Variants in FHOD3 observed in about 807,000 individuals in gnomAD.
The protein encoded by FHOD3 is formin homology 2 domain containing 3.
In FHOD3, 90 loss-of-function variants were observed where a neutral mutation model predicts 173.0. The observed-to-expected ratio is 0.52, with a 90% CI of 0.44 to 0.62. The LOEUF is 0.62. Ranked by LOEUF, FHOD3 falls within the 20% of genes least tolerant of loss-of-function variation. The pLI is 0.00. For synonymous variants in FHOD3, 828 were observed against 823.0 expected (o/e 1.01, Z -0.10); for missense variants, 1,945 against 2,034.7 (o/e 0.96, Z 0.85).
chr18:36,477,440 A>C (rs1163568116), intron 3 of FHOD3, among the ~76,000 whole-genome samples: 3 of 152,106 alleles, frequency 2.0e-5, no homozygotes, highest in African/African-American at 7.2e-5. Context: ...TTCCTGTGAC[A>C]GGGAAATAGC....
chr18:36,744,501 C>T (rs939211907), intron 23 of FHOD3, among the ~76,000 whole-genome samples: 15 of 152,246 alleles, frequency 9.9e-5, no homozygotes, highest in East Asian at 1.9e-4. Context: ...TTCTCCAGAA[C>T]GCTGAAACAG....
chr18:36,508,281 T>TA (rs374243067), intron 4 of FHOD3, among the ~76,000 whole-genome samples: 372 of 150,838 alleles, frequency 2.5e-3, no homozygotes, highest in South Asian at 7.6e-3. Flanking sequence ...TTTTTTTTTT[T>TA]AAAAAAAGCT....
intron 20 of FHOD3, among the ~76,000 whole-genome samples, chr18:36,740,005 G>A (rs1221940413): frequency 6.6e-6 from 1 of 152,146 alleles, no homozygotes; most frequent in Non-Finnish European, 1.5e-5. Context: ...GTAGACATGA[G>A]AATTTTTACT....
chr18:36,760,722 C>T lies in FHOD3; in HGVS notation c.4564C>T (p.Pro1522Ser), dbSNP rs371075854. Residue 1522 changes from proline to serine, a missense_variant, in exon 27 of 29, where the codon CCC becomes TCC. By Grantham distance (74) the Pro-to-Ser change is moderately conservative (BLOSUM62 -1). Around this residue, in one of 5 missense-constraint regions of FHOD3, gnomAD observed 354 missense variants for 359.9 expected, o/e 0.98. Coordinates refer to ENST00000590592, the MANE Select transcript of FHOD3 (RefSeq NM_001281740.3). ...NMKAVLKTSS[P>S]SVEDATPALG... ...GAAGGCTGTGCTGAAAACCTCGTCC[C>T]CCTCCGTGGAGGACGCCACCCCCGC... The T allele has an allele frequency of 2.2e-5, 35 of 1,613,192 alleles. No individual in the cohort carries two copies. The highest frequency in any genetic ancestry group is 2.8e-5 in the Non-Finnish European group (33 of 1,180,008).
At chr18:36,322,574 G>A (rs1263877193) in intron 1 of FHOD3, among the ~76,000 whole-genome samples, 1 of 152,060 alleles carries the variant, frequency 6.6e-6, no homozygotes, top group Non-Finnish European at 1.5e-5. Flanking sequence ...GGGATTGGTG[G>A]GCACAGTGGG....
At chr18:36,550,048 T>G (rs2057580341) in intron 5 of FHOD3, among the ~76,000 whole-genome samples, 1 of 151,812 alleles carries the variant, frequency 6.6e-6, no homozygotes, top group South Asian at 2.1e-4. Context: ...CAGCACCAAC[T>G]ATTGAAAAAA....
chr18:36,573,668 G>A (rs2058542056), intron 5 of FHOD3, among the ~76,000 whole-genome samples: 1 of 152,156 alleles, frequency 6.6e-6, no homozygotes, highest in South Asian at 2.1e-4. Context: ...ATTTAATTAT[G>A]TGATGTTGCT....
chr18:36,368,289 A>C (rs1295637673), intron 2 of FHOD3, among the ~76,000 whole-genome samples: 10 of 152,292 alleles, frequency 6.6e-5, no homozygotes, highest in Non-Finnish European at 1.5e-4. Context: ...CATCTCATAG[A>C]GTACATCTCA....
intron 3 of FHOD3, among the ~76,000 whole-genome samples, chr18:36,376,501 T>G (rs1319781630): frequency 1.3e-5 from 2 of 152,178 alleles, no homozygotes; most frequent in African/African-American, 4.8e-5. Flanking sequence ...ACAAAGGGCC[T>G]TTAGAGGCAT....
chr18:36,636,981 A>G (rs1170812031), intron 10 of FHOD3, among the ~76,000 whole-genome samples: 2 of 41,144 alleles, frequency 4.9e-5, no homozygotes, highest in Non-Finnish European at 1.1e-4. Context: ...TGATCATGAG[A>G]TCAGGAAAAA....
intron 12 of FHOD3, 111 bp downstream of exon 12, chr18:36,653,040 C>T: frequency 7.2e-7 from 1 of 1,382,722 alleles, no homozygotes; most frequent in Non-Finnish European, 9.5e-7. Context: ...TGGATTTCAG[C>T]CCAAGCAGGG....
intron 1 of FHOD3, among the ~76,000 whole-genome samples, chr18:36,318,674 A>G (rs756690581): frequency 2.4e-4 from 37 of 152,304 alleles, no homozygotes; most frequent in Non-Finnish European, 4.6e-4. Context: ...ATCTGCAGAG[A>G]CAGTTTGACT....
At chr18:36,412,277 AC>A (rs1375865359) in intron 3 of FHOD3, among the ~76,000 whole-genome samples, 1 of 152,194 alleles carries the variant, frequency 6.6e-6, no homozygotes, top group Non-Finnish European at 1.5e-5. Flanking sequence ...ATATATGTTC[AC>A]ATCTGCACTT....
chr18:36,721,045 G>A (rs2149803180), intron 19 of FHOD3, among the ~76,000 whole-genome samples: 1 of 152,296 alleles, frequency 6.6e-6, no homozygotes, highest in South Asian at 2.1e-4. Flanking sequence ...AGCCAATTTG[G>A]TCCGTGATAA....
At chr18:36,630,791 A>G (rs1023740278) in intron 10 of FHOD3, among the ~76,000 whole-genome samples, 2 of 152,240 alleles carry the variant, frequency 1.3e-5, no homozygotes, top group African/African-American at 4.8e-5. Context: ...AAAAAGTTAC[A>G]TATAAGAATT....
intron 23 of FHOD3, 75 bp downstream of exon 23, chr18:36,744,268 A>C: frequency 6.7e-7 from 1 of 1,490,934 alleles, no homozygotes; most frequent in Admixed American, 2.1e-5. Flanking sequence ...TCCTCGAGGA[A>C]CACGAGCCCT....
chr18:36,357,904 A>C (rs747772833), intron 2 of FHOD3, among the ~76,000 whole-genome samples: 12 of 152,206 alleles, frequency 7.9e-5, no homozygotes, highest in Non-Finnish European at 1.6e-4. Context: ...TTTGGAGATG[A>C]CAGCTCAGAA....
At chr18:36,694,381 C>G (rs556049379) in intron 17 of FHOD3, among the ~76,000 whole-genome samples, 19 of 152,278 alleles carry the variant, frequency 1.2e-4, no homozygotes, top group African/African-American at 4.3e-4. Flanking sequence ...GCTCTCCAAA[C>G]CTTGGCTCAT....
chr18:36,711,166 A>G (rs1246848943), intron 18 of FHOD3: 3 of 152,188 alleles, frequency 2.0e-5, no homozygotes, highest in Non-Finnish European at 2.9e-5. Flanking sequence ...GGTCATGTTT[A>G]TTTACTGTAG....
Sources: gnomAD v4.1 joint callset for allele counts (sites outside exome capture counted in the v4.1 genomes callset) on GRCh38, gnomAD v4.1.1 for gene constraint, gnomAD v4.1.1 regional missense constraint, MANE v1.5 for transcripts, NCBI Gene and HGNC (gene_info 2026-07-23, HGNC 2026-07-21) for gene names.